The following KCNIP4 variants were observed in gnomAD, a reference collection of about 807,000 sequenced individuals.
KCNIP4 encodes the protein Kv channel-interacting protein 4.
A neutral mutation model predicts 34.0 loss-of-function variants in KCNIP4; 12 were observed. The observed-to-expected ratio is 0.35, with a 90% CI of 0.23 to 0.57. The LOEUF is 0.57. Ranked by LOEUF, KCNIP4 falls within the 20% of genes least tolerant of loss-of-function variation. The probability of loss-of-function intolerance (pLI) is 0.83; values close to 1 mark genes in which losing one functional copy is unlikely to be tolerated. For synonymous variants in KCNIP4, 124 were observed against 102.2 expected (o/e 1.21, Z -1.29); for missense variants, 238 against 311.7 (o/e 0.76, Z 1.78).
At chr4:21,023,564 A>G (rs1024600337) in intron 1 of KCNIP4, among the ~76,000 whole-genome samples, 4 of 152,188 alleles carry the variant, frequency 2.6e-5, no homozygotes, top group Admixed American at 2.6e-4. Flanking sequence ...ATATGCACCT[A>G]AAAAGATGCT....
intron 3 of KCNIP4, among the ~76,000 whole-genome samples, chr4:20,784,617 T>C (rs1441060924): frequency 6.6e-6 from 1 of 152,130 alleles, no homozygotes; most frequent in Non-Finnish European, 1.5e-5. Flanking sequence ...TTTCCTACAT[T>C]CCCTCCTTTT....
intron 1 of KCNIP4, among the ~76,000 whole-genome samples, chr4:21,138,801 C>T (rs1046991372): frequency 1.3e-4 from 19 of 151,954 alleles, no homozygotes; most frequent in African/African-American, 4.4e-4. Flanking sequence ...TGAGAAGACT[C>T]GGCCGCCATG....
intron 1 of KCNIP4, among the ~76,000 whole-genome samples, chr4:21,821,735 G>T (rs535275165): frequency 2.0e-5 from 3 of 152,226 alleles, no homozygotes; most frequent in African/African-American, 7.2e-5. Flanking sequence ...TTAGATGAAT[G>T]AATGAATGAA....
intron 2 of KCNIP4, among the ~76,000 whole-genome samples, chr4:20,878,286 A>G (rs1164061782): frequency 6.6e-6 from 1 of 152,160 alleles, no homozygotes; most frequent in Admixed American, 6.6e-5. Context: ...GATTATTCCC[A>G]TGACAATCCA....
intron 1 of KCNIP4, among the ~76,000 whole-genome samples, chr4:20,885,752 C>T (rs978981491): frequency 4.6e-5 from 7 of 152,186 alleles, no homozygotes; most frequent in Non-Finnish European, 7.3e-5. Context: ...AAGCACTTAT[C>T]ACAGTGACAG....
Position 21,750,815 on chromosome 4 carries a change from A to T in KCNIP4, c.61+197756T>A, listed in dbSNP as rs144289504. On this transcript the variant is annotated intron_variant, in intron 1 of 8. Coordinates refer to ENST00000382152, the MANE Select transcript of KCNIP4 (RefSeq NM_025221.6). ...GGGAAGGTGGAGAAGGTAGGCTACT[A>T]ATGTGAGCATTCCATTTCTCCTACA... Among the ~76,000 whole-genome samples the T allele has an allele frequency of 8.7e-3, 1,330 of 152,218 alleles. 19 individuals are homozygous for T. Among genetic ancestry groups the T allele is most frequent in the South Asian group, 0.039 (188 of 4,824 alleles).
intron 1 of KCNIP4, among the ~76,000 whole-genome samples, chr4:21,069,350 A>C (rs1416443405): frequency 6.6e-6 from 1 of 152,176 alleles, no homozygotes; most frequent in African/African-American, 2.4e-5. Context: ...TTCATTCAGC[A>C]CATCATTCTA....
chr4:21,347,953 C>T (rs566927968), intron 1 of KCNIP4, among the ~76,000 whole-genome samples: 6 of 152,290 alleles, frequency 3.9e-5, no homozygotes, highest in African/African-American at 1.4e-4. Flanking sequence ...ACAGCAATAA[C>T]AAGTTCTCAG....
rs546447807 is a variant in KCNIP4, at chr4:21,608,428, C to A, written c.61+340143G>T. Among the ~76,000 whole-genome samples the A allele has an allele frequency of 1.1e-3, 163 of 152,282 alleles. 1 individual carries two copies. Among genetic ancestry groups the A allele is most frequent in the Non-Finnish European group, 1.5e-3 (99 of 68,028 alleles). On this transcript the variant is annotated intron_variant, in intron 1 of 8. Coordinates refer to ENST00000382152, the MANE Select transcript of KCNIP4 (RefSeq NM_025221.6). ...CATTTCCTTGATGTCAGCTAAGGAC[C>A]ATTCTTAGATTCTAGAAATTACCTG...
Position 20,873,847 on chromosome 4 carries a change from C to T in KCNIP4, c.163+8761G>A, listed in dbSNP as rs75174944. On this transcript the variant is annotated intron_variant, in intron 2 of 8. Transcript: ENST00000382152. ...CCAGATCACTTTGCTGGCTGCTTCT[C>T]TTTCATACTTCTTGCCCCTCCTGAC... Among the ~76,000 whole-genome samples, 188 of 152,326 alleles carry T rather than the reference C, an allele frequency of 1.2e-3. 2 individuals carry two copies. In the East Asian group the frequency reaches 0.024, roughly 19 times the overall value.
chr4:21,297,364 T>C (rs1419320922), intron 1 of KCNIP4, among the ~76,000 whole-genome samples: 2 of 152,120 alleles, frequency 1.3e-5, no homozygotes, highest in Non-Finnish European at 2.9e-5. Context: ...TCCCTCAGCC[T>C]GATAGTTCTT....
At chr4:20,808,933 T>G (rs1032000325) in intron 3 of KCNIP4, among the ~76,000 whole-genome samples, 3 of 152,194 alleles carry the variant, frequency 2.0e-5, no homozygotes, top group Non-Finnish European at 4.4e-5. Context: ...CCATAACCGT[T>G]TACTTAGTTG....
intron 1 of KCNIP4, among the ~76,000 whole-genome samples, chr4:21,651,315 A>G (rs1250060084): frequency 6.6e-6 from 1 of 152,202 alleles, no homozygotes; most frequent in Non-Finnish European, 1.5e-5. Flanking sequence ...TGCTATCTTC[A>G]GGAGGGCTGG....
chr4:21,209,165 G>T (rs1234155067), intron 1 of KCNIP4, among the ~76,000 whole-genome samples: 1 of 152,002 alleles, frequency 6.6e-6, no homozygotes, highest in Non-Finnish European at 1.5e-5. Context: ...TATTTATAGG[G>T]TACATAGTGA....
intron 1 of KCNIP4, among the ~76,000 whole-genome samples, chr4:21,061,101 T>C (rs2108971789): frequency 6.6e-6 from 1 of 152,248 alleles, no homozygotes; most frequent in African/African-American, 2.4e-5. Context: ...TGTGGCAAGA[T>C]CTTATGTTGC....
intron 1 of KCNIP4, among the ~76,000 whole-genome samples, chr4:21,073,951 G>T (rs527696006): frequency 5.5e-4 from 83 of 152,248 alleles, no homozygotes; most frequent in African/African-American, 1.8e-3. Flanking sequence ...ATTGATTTGT[G>T]TATGTTGAAC....
At chr4:20,858,717 G>A (rs2149492321) in intron 2 of KCNIP4, among the ~76,000 whole-genome samples, 1 of 152,302 alleles carries the variant, frequency 6.6e-6, no homozygotes, top group South Asian at 2.1e-4. Context: ...TGAGCACTAT[G>A]CTGGGAATGT....
intron 1 of KCNIP4, among the ~76,000 whole-genome samples, chr4:21,156,640 G>A (rs1172333711): frequency 6.6e-6 from 1 of 152,090 alleles, no homozygotes; most frequent in African/African-American, 2.4e-5. Flanking sequence ...AATAAGACTT[G>A]GGAAGATCTG....
chr4:21,280,107 C>T (rs1441573662), intron 1 of KCNIP4, among the ~76,000 whole-genome samples: 3 of 152,166 alleles, frequency 2.0e-5, no homozygotes, highest in African/African-American at 4.8e-5. Context: ...ATACAGTCTA[C>T]ATTTATTCCA....
Sources: allele counts gnomAD v4.1 joint callset (sites outside exome capture counted in the v4.1 genomes callset), GRCh38; gene constraint gnomAD v4.1.1; transcripts MANE v1.5; gene names NCBI Gene and HGNC (gene_info 2026-07-23, HGNC 2026-07-21).